KIAA1217: variants seen among roughly 807,000 people sequenced by gnomAD.
The protein encoded by KIAA1217 is sickle tail protein homolog.
In KIAA1217, 88 loss-of-function variants were observed where a neutral mutation model predicts 163.9. That is an observed-to-expected ratio of 0.54 (90% CI 0.45 to 0.64). KIAA1217 has a LOEUF of 0.64. Ranked by LOEUF, KIAA1217 falls within the 30% of genes least tolerant of loss-of-function variation. KIAA1217 has a pLI of 0.00. For synonymous variants in KIAA1217, 903 were observed against 923.1 expected, an observed-to-expected ratio of 0.98 and a Z score of 0.39; for missense variants, 2,372 against 2,475.0, an observed-to-expected ratio of 0.96 and a Z score of 0.88.
chr10:23,898,360 A>G (rs1041446386), intron 1 of KIAA1217, among the ~76,000 whole-genome samples: 1 of 151,812 alleles, frequency 6.6e-6, no homozygotes, highest in Admixed American at 6.6e-5. Context: ...ATGTACAACC[A>G]TCAAACTATA....
At chr10:24,172,996 A>G (rs1475646050) in intron 2 of KIAA1217, among the ~76,000 whole-genome samples, 2 of 152,194 alleles carry the variant, frequency 1.3e-5, no homozygotes, top group Non-Finnish European at 2.9e-5. Context: ...CCCCCAGGCC[A>G]TGGACTGGTA....
intron 2 of KIAA1217, among the ~76,000 whole-genome samples, chr10:24,244,785 G>A (rs547388022): frequency 5.5e-4 from 84 of 151,888 alleles, no homozygotes; most frequent in Non-Finnish European, 1.0e-3. Flanking sequence ...GGCTGATCTC[G>A]AACTCCCGGC....
At chr10:24,264,780 TC>T in intron 2 of KIAA1217, among the ~76,000 whole-genome samples, 1 of 151,266 alleles carries the variant, frequency 6.6e-6, no homozygotes, top group African/African-American at 2.4e-5. Context: ...TCTCTCTCTC[TC>T]TCTCTCTCTC....
chr10:24,104,833 G>A (rs557279579), intron 2 of KIAA1217, among the ~76,000 whole-genome samples: 23 of 152,172 alleles, frequency 1.5e-4, no homozygotes, highest in Non-Finnish European at 2.6e-4. Context: ...AAAGTAAAGT[G>A]TGATTTAAAA....
rs558882933 is a variant in KIAA1217 at position 24,477,450 on chromosome 10, C to T, written c.1679+3390C>T. Among the ~76,000 whole-genome samples, 4 of 152,326 alleles carry T rather than the reference C, an allele frequency of 2.6e-5. No homozygotes were observed. In the East Asian group the frequency reaches 7.7e-4, roughly 29 times the overall value. ...ATTAAAGAATTCTACATATTCCATG[C>T]TGTTTACCACTGTGCAGTATTCTGC... On this transcript the variant is annotated intron_variant, in intron 6 of 20. Coordinates refer to ENST00000376454, the MANE Select transcript of KIAA1217 (RefSeq NM_019590.5).
At chr10:24,136,369 T>G (rs1342321657) in intron 2 of KIAA1217, among the ~76,000 whole-genome samples, 1 of 152,200 alleles carries the variant, frequency 6.6e-6, no homozygotes, top group Admixed American at 6.5e-5. Flanking sequence ...TTTTAAATTC[T>G]AGTTGAGATT....
intron 2 of KIAA1217, among the ~76,000 whole-genome samples, chr10:24,124,013 T>C (rs1159361768): frequency 1.3e-5 from 2 of 152,204 alleles, no homozygotes; most frequent in Non-Finnish European, 2.9e-5. Flanking sequence ...CCTTACTTTA[T>C]TTAGGCTATC....
At chr10:24,521,557 A>G (rs928251744) in intron 11 of KIAA1217, among the ~76,000 whole-genome samples, 19 of 152,176 alleles carry the variant, frequency 1.2e-4, no homozygotes, top group African/African-American at 4.6e-4. Context: ...AATTGGCTTT[A>G]TCCCAAATAC....
chr10:23,981,962 G>A (rs149564728), intron 1 of KIAA1217, among the ~76,000 whole-genome samples: 4 of 152,032 alleles, frequency 2.6e-5, no homozygotes, highest in African/African-American at 7.2e-5. Context: ...ATGATGGTAC[G>A]TTAAACACTG....
At chr10:23,730,396 C>T (rs11814920) in intron 1 of KIAA1217, among the ~76,000 whole-genome samples, 7,920 of 152,132 alleles carry the variant, frequency 0.052, 698 homozygotes, top group African/African-American at 0.18. Flanking sequence ...TGGCGAATAC[C>T]GTACTGCCTT....
intron 2 of KIAA1217, among the ~76,000 whole-genome samples, chr10:24,225,336 T>C (rs7087499): frequency 0.91 from 139,100 of 152,106 alleles, 63,850 homozygotes; most frequent in Non-Finnish European, 0.96. Context: ...GTTGCCCAGA[T>C]TGGTCTTCAA....
At chr10:24,519,375 C>A (rs919628767) in intron 10 of KIAA1217, among the ~76,000 whole-genome samples, 1 of 152,202 alleles carries the variant, frequency 6.6e-6, no homozygotes, top group Non-Finnish European at 1.5e-5. Context: ...ACAGACACCA[C>A]GTCTGTCGTC....
At chr10:23,762,409 T>G (rs1360196457) in intron 1 of KIAA1217, among the ~76,000 whole-genome samples, 1 of 152,058 alleles carries the variant, frequency 6.6e-6, no homozygotes. Context: ...ATCAAGAAAC[T>G]TATCTACCAT....
intron 1 of KIAA1217, among the ~76,000 whole-genome samples, chr10:23,987,276 C>T (rs1589191149): frequency 1.3e-5 from 2 of 150,118 alleles, no homozygotes; most frequent in East Asian, 3.9e-4. Flanking sequence ...ACTCCGGAGG[C>T]TGAGGCAGGA....
At chr10:23,792,627 G>A (rs1836007385) in intron 1 of KIAA1217, among the ~76,000 whole-genome samples, 1 of 151,150 alleles carries the variant, frequency 6.6e-6, no homozygotes, top group South Asian at 2.1e-4. Context: ...CCAGTAACTG[G>A]GACTACAGGC....
At position 24,517,063 on chromosome 10, in the gene KIAA1217, G is replaced by A. The variant is rs988900451; in HGVS notation, c.2178-3060G>A. Among the ~76,000 whole-genome samples, 87 of 151,816 alleles carry A rather than the reference G, an allele frequency of 5.7e-4. 1 individual carries two copies. Among genetic ancestry groups the A allele is most frequent in the South Asian group, 2.1e-4 (1 of 4,794 alleles). ...CCGATCATGGTGGCACACACCTGTGGTCCCAGCTACTCAGGAAGCTGAGGT... is the reference window on the plus strand; with the variant it reads ...CCGATCATGGTGGCACACACCTGTGATCCCAGCTACTCAGGAAGCTGAGGT... On this transcript the variant is annotated intron_variant, in intron 10 of 20. Coordinates refer to ENST00000376454, the MANE Select transcript of KIAA1217 (RefSeq NM_019590.5).
intron 2 of KIAA1217, among the ~76,000 whole-genome samples, chr10:24,269,193 A>T (rs1428659227): frequency 2.8e-4 from 41 of 148,856 alleles, no homozygotes; most frequent in African/African-American, 8.5e-4. Flanking sequence ...CATGTACCCT[A>T]AAAGTTAAAG....
intron 1 of KIAA1217, among the ~76,000 whole-genome samples, chr10:23,705,703 G>C (rs1836837526): frequency 6.6e-6 from 1 of 152,068 alleles, no homozygotes; most frequent in South Asian, 2.1e-4. Flanking sequence ...TATTTTTTAA[G>C]ATTGTTTTGG....
At chr10:23,696,490 C>A (rs759659858) in intron 1 of KIAA1217, among the ~76,000 whole-genome samples, 1 of 152,186 alleles carries the variant, frequency 6.6e-6, no homozygotes, top group Non-Finnish European at 1.5e-5. Context: ...GAGTTGAAGA[C>A]AAAAGTCATT....
Sources: gnomAD v4.1 joint callset for allele counts (sites outside exome capture counted in the v4.1 genomes callset) on GRCh38, gnomAD v4.1.1 for gene constraint, MANE v1.5 for transcripts, NCBI Gene and HGNC (gene_info 2026-07-23, HGNC 2026-07-21) for gene names.